PCDHA6: variants seen among roughly 807,000 people sequenced by gnomAD.
PCDHA6 encodes protocadherin alpha 6.
In PCDHA6, 55 loss-of-function variants were observed where a neutral mutation model predicts 60.3. The observed-to-expected ratio is 0.91, with a 90% CI of 0.73 to 1.14. PCDHA6 has a LOEUF of 1.14. Among genes scored for constraint, PCDHA6 ranks in the 50% most tolerant of loss-of-function variants. The pLI is 0.00. For missense variants in PCDHA6, 1,327 were observed against 1,256.5 expected, an observed-to-expected ratio of 1.06 and a Z score of -0.85; for synonymous variants, 652 against 557.9, an observed-to-expected ratio of 1.17 and a Z score of -2.38.
At chr5:140,845,448 T>C (rs1375604335) in intron 1 of PCDHA6, among the ~76,000 whole-genome samples, 1 of 149,710 alleles carries the variant, frequency 6.7e-6, no homozygotes, top group Non-Finnish European at 1.5e-5. Context: ...CTGTTTTTCT[T>C]CAACTCTCTG....
intron 1 of PCDHA6, among the ~76,000 whole-genome samples, chr5:140,944,925 A>T (rs1457519692): frequency 6.6e-6 from 1 of 152,158 alleles, no homozygotes; most frequent in African/African-American, 2.4e-5. Flanking sequence ...ATATTGGTTT[A>T]TGCCTTCTTT....
chr5:140,870,382 C>T, intron 1 of PCDHA6: 1 of 1,614,178 alleles, frequency 6.2e-7, no homozygotes, highest in Non-Finnish European at 8.5e-7. Context: ...GGTGACTGCG[C>T]GGGATGGGGG....
At chr5:140,966,663 A>C in intron 1 of PCDHA6, 1 of 1,237,556 alleles carries the variant, frequency 8.1e-7, no homozygotes, top group East Asian at 3.0e-5. Context: ...GTGGGGGAGC[A>C]GGCGCAGGGT....
intron 1 of PCDHA6, among the ~76,000 whole-genome samples, chr5:140,948,380 C>T (rs1554218531): frequency 2.6e-5 from 4 of 151,612 alleles, no homozygotes; most frequent in African/African-American, 4.8e-5. Flanking sequence ...GTTCCTTCCT[C>T]TATTTTCTGA....
chr5:140,959,102 G>A (rs556528085), intron 1 of PCDHA6, among the ~76,000 whole-genome samples: 2 of 152,214 alleles, frequency 1.3e-5, no homozygotes, highest in South Asian at 4.2e-4. Flanking sequence ...ACATTCAGCA[G>A]GGGTCCGAAG....
chr5:140,912,640 T>C (rs181860319), intron 1 of PCDHA6, among the ~76,000 whole-genome samples: 5 of 152,296 alleles, frequency 3.3e-5, no homozygotes, highest in Non-Finnish European at 7.4e-5. Flanking sequence ...TTCAGTACTA[T>C]GTTGAATAGA....
intron 3 of PCDHA6, among the ~76,000 whole-genome samples, chr5:141,001,534 G>A (rs2098024616): frequency 6.6e-6 from 1 of 152,180 alleles, no homozygotes; most frequent in African/African-American, 2.4e-5. Flanking sequence ...CTCTGATCCT[G>A]GACAGGATTT....
At chr5:140,870,715 G>T (rs1554164627) in intron 1 of PCDHA6, 2 of 1,613,126 alleles carry the variant, frequency 1.2e-6, no homozygotes, top group East Asian at 2.2e-5. Flanking sequence ...GAGCGCGCGC[G>T]ATGCGGGCGT....
chr5:140,870,194 C>G, intron 1 of PCDHA6: 1 of 1,614,168 alleles, frequency 6.2e-7, no homozygotes, highest in Non-Finnish European at 8.5e-7. Context: ...GACGCTCAGC[C>G]CAGCACGGTC....
intron 1 of PCDHA6, among the ~76,000 whole-genome samples, chr5:140,962,118 C>T (rs561645739): frequency 1.3e-5 from 2 of 152,210 alleles, no homozygotes; most frequent in East Asian, 1.9e-4. Context: ...ATCTCCTAAC[C>T]TTGGCCTCGG....
chr5:140,866,295 G>T (rs561985862), intron 1 of PCDHA6: 17 of 152,252 alleles, frequency 1.1e-4, no homozygotes, highest in African/African-American at 3.4e-4. Flanking sequence ...GACAAGTATA[G>T]ATGTTGATAT....
chr5:140,841,723 G>C, intron 1 of PCDHA6: 1 of 1,613,856 alleles, frequency 6.2e-7, no homozygotes. Context: ...CAGTGTTCCG[G>C]GTAAAAGACC....
Position 140,828,462 on chromosome 5 carries a change from G to T in PCDHA6, c.371G>T (p.Arg124Met). 6.2e-7 allele frequency: 1 copy of T among 1,614,208 alleles called. No homozygotes were observed. The highest frequency in any genetic ancestry group is 8.5e-7 in the Non-Finnish European group (1 of 1,180,034). The change falls in exon 1 of 4, where the codon AGG becomes ATG. Residue 124 changes from arginine to methionine, a missense_variant. Transcript: ENST00000529310. ...GTTTTCCATGTGGACGTGGAGGTGA[G>T]GGACATTAACGACAACCCGCCCTTG... is the stretch of plus-strand genomic sequence containing the variant. ...LQVFHVDVEVRDINDNPPLFP... is the reference protein window; with the variant it reads ...LQVFHVDVEVMDINDNPPLFP...
chr5:140,942,759 G>A (rs2093365403), intron 1 of PCDHA6, among the ~76,000 whole-genome samples: 1 of 152,074 alleles, frequency 6.6e-6, no homozygotes, highest in Admixed American at 6.6e-5. Context: ...AAATGAGATG[G>A]CATAATGTAT....
Position 141,009,978 on chromosome 5 carries a change from A to G in PCDHA6, c.*41A>G. On this transcript the variant is annotated 3_prime_UTR_variant, in exon 4 of 4. Coordinates refer to ENST00000529310, the MANE Select transcript of PCDHA6 (RefSeq NM_018909.4). Reference sequence around the variant, plus strand: ...ACAAGCCACTTAGCCAGTTTTTGTAATAATGGCAAATCTCTCCCATGTAGC... The same window carrying G: ...ACAAGCCACTTAGCCAGTTTTTGTAGTAATGGCAAATCTCTCCCATGTAGC... 2 of 1,583,512 alleles carry G rather than the reference A, an allele frequency of 1.3e-6. No homozygotes were observed. Among genetic ancestry groups the G allele is most frequent in the Non-Finnish European group, 1.7e-6 (2 of 1,168,204 alleles).
chr5:140,841,872 C>T (rs147561890), intron 1 of PCDHA6: 4 of 1,613,678 alleles, frequency 2.5e-6, no homozygotes, highest in Non-Finnish European at 3.4e-6. Context: ...GATGTGAATT[C>T]AAAGAACGAT....
At position 140,967,262 on chromosome 5, in the gene PCDHA6, C is replaced by T; in HGVS notation, c.2395-11687C>T. ...AAGCGAATCGGTGGCGCCTGGAGCG[C>T]GCTTTCACATAGAGAGTGCGCAGGA... On this transcript the variant is annotated intron_variant, in intron 1 of 3. Transcript: ENST00000529310. The T allele has an allele frequency of 1.9e-6, 3 of 1,613,522 alleles. No homozygotes were observed. In the South Asian group the frequency reaches 3.3e-5, roughly 18 times the overall value.
At chr5:140,928,298 C>T in intron 1 of PCDHA6, 2 of 1,614,128 alleles carry the variant, frequency 1.2e-6, no homozygotes, top group South Asian at 1.1e-5. Context: ...CGAGTGTTTG[C>T]CCAGGACCCC....
At chr5:140,997,481 A>G (rs1563624223) in intron 3 of PCDHA6, among the ~76,000 whole-genome samples, 1 of 152,224 alleles carries the variant, frequency 6.6e-6, no homozygotes, top group Non-Finnish European at 1.5e-5. Flanking sequence ...ACACAATGAT[A>G]AGTATTTGTG....
Sources: allele counts gnomAD v4.1 joint callset (sites outside exome capture counted in the v4.1 genomes callset), GRCh38; gene constraint gnomAD v4.1.1; transcripts MANE v1.5; gene names NCBI Gene and HGNC (gene_info 2026-07-23, HGNC 2026-07-21).